EPHA6: variants seen among roughly 807,000 people sequenced by gnomAD.
The protein encoded by EPHA6 is EPH receptor A6, also known as ephrin type-A receptor 6.
A neutral mutation model predicts 112.0 loss-of-function variants in EPHA6; 50 were observed. That is an observed-to-expected ratio of 0.45 (90% confidence interval 0.36 to 0.56). EPHA6 has a LOEUF of 0.56. Among genes scored for constraint, EPHA6 ranks in the 20% least tolerant of loss-of-function variants. EPHA6 has a pLI of 0.00. For synonymous variants in EPHA6, 529 were observed against 490.7 expected (o/e 1.08, Z -1.03); for missense variants, 1,280 against 1,417.4 (o/e 0.90, Z 1.56).
At chr3:97,294,581 C>T (rs187677475) in intron 5 of EPHA6, among the ~76,000 whole-genome samples, 92 of 152,112 alleles carry the variant, frequency 6.0e-4, no homozygotes, top group African/African-American at 2.2e-3. Flanking sequence ...ATATTTTGTA[C>T]TTATTTTGTT....
intron 2 of EPHA6, among the ~76,000 whole-genome samples, chr3:96,985,490 G>A (rs2042987218): frequency 6.6e-6 from 1 of 151,982 alleles, no homozygotes; most frequent in African/African-American, 2.4e-5. Flanking sequence ...GATAGTGCTG[G>A]TTTGCCTTTA....
chr3:96,916,708 G>A (rs771577930), intron 2 of EPHA6, among the ~76,000 whole-genome samples: 106 of 152,182 alleles, frequency 7.0e-4, no homozygotes, highest in Admixed American at 2.7e-3. Flanking sequence ...CATAGATTAC[G>A]TCAAAGGTTA....
intron 14 of EPHA6, among the ~76,000 whole-genome samples, chr3:97,638,873 T>G (rs556334783): frequency 1.3e-5 from 2 of 152,282 alleles, no homozygotes; most frequent in South Asian, 2.1e-4. Flanking sequence ...AAATAAGTTA[T>G]TAAAGCTACT....
chr3:97,640,673 G>C (rs141266117), intron 14 of EPHA6, among the ~76,000 whole-genome samples: 3 of 151,924 alleles, frequency 2.0e-5, no homozygotes, highest in East Asian at 1.9e-4. Context: ...CTGGCTACTC[G>C]GCAGGCTGAG....
intron 2 of EPHA6, among the ~76,000 whole-genome samples, chr3:96,937,611 T>C (rs1442991980): frequency 6.6e-6 from 1 of 152,208 alleles, no homozygotes; most frequent in African/African-American, 2.4e-5. Context: ...TTTAGTTTAA[T>C]TAGATCCATT....
chr3:97,619,439 G>GT (rs1215895907), intron 13 of EPHA6, among the ~76,000 whole-genome samples: 1 of 148,620 alleles, frequency 6.7e-6, no homozygotes, highest in Admixed American at 6.7e-5. Flanking sequence ...AAAAAGGGGG[G>GT]GGGGGGCATC....
chr3:97,493,106 GTTTTAC>G (rs61127648), intron 10 of EPHA6, among the ~76,000 whole-genome samples: 10,296 of 151,518 alleles, frequency 0.068, 1,078 homozygotes, highest in African/African-American at 0.23. Context: ...GAGGAAAGAT[GTTTTAC>G]TTTTATTGGG....
chr3:97,405,633 T>TTAAATATTCATAATTAAATAAAA (rs1170494607), intron 6 of EPHA6, among the ~76,000 whole-genome samples: 5 of 152,138 alleles, frequency 3.3e-5, no homozygotes, highest in Non-Finnish European at 5.9e-5. Flanking sequence ...TAATATTGAA[T>TTAAATATTCATAATTAAATAAAA]TACTATAACC....
At chr3:97,588,402 A>G (rs558982374) in intron 11 of EPHA6, among the ~76,000 whole-genome samples, 1 of 152,306 alleles carries the variant, frequency 6.6e-6, no homozygotes, top group South Asian at 2.1e-4. Flanking sequence ...GTCTACTTAT[A>G]GATCTTAATG....
intron 3 of EPHA6, among the ~76,000 whole-genome samples, chr3:97,159,408 G>T (rs770034265): frequency 3.3e-5 from 5 of 152,118 alleles, no homozygotes; most frequent in African/African-American, 7.2e-5. Context: ...AATTAAGACC[G>T]CTAGGCCAGA....
intron 15 of EPHA6, among the ~76,000 whole-genome samples, chr3:97,732,237 T>G (rs1399399736): frequency 1.3e-5 from 2 of 151,532 alleles, no homozygotes; most frequent in East Asian, 3.9e-4. Context: ...TAAATCTACT[T>G]GCATTCTAGA....
chr3:97,646,302 C>T (rs1576191783), intron 14 of EPHA6: 1 of 1,517,104 alleles, frequency 6.6e-7, no homozygotes, highest in Non-Finnish European at 8.8e-7. Flanking sequence ...GAGAGATAAC[C>T]CTCCAACAGT....
intron 11 of EPHA6, among the ~76,000 whole-genome samples, chr3:97,575,873 A>G (rs1316807309): frequency 6.6e-6 from 1 of 152,190 alleles, no homozygotes. Context: ...AAGCTGTGTA[A>G]TTGTAGTGAA....
intron 5 of EPHA6, among the ~76,000 whole-genome samples, chr3:97,359,178 C>T (rs2084236272): frequency 6.6e-6 from 1 of 151,880 alleles, no homozygotes. Context: ...GAAACTTCTA[C>T]ATTGCATATA....
At chr3:97,086,930 T>A (rs1344372640) in intron 3 of EPHA6, among the ~76,000 whole-genome samples, 2 of 152,178 alleles carry the variant, frequency 1.3e-5, no homozygotes, top group African/African-American at 4.8e-5. Flanking sequence ...TCATATGCAA[T>A]TATCAGTGAA....
At chr3:97,218,420 G>T (rs1052164684) in intron 3 of EPHA6, among the ~76,000 whole-genome samples, 10 of 152,160 alleles carry the variant, frequency 6.6e-5, no homozygotes, top group African/African-American at 2.2e-4. Flanking sequence ...GAAGCCTTAG[G>T]AAACTTACAA....
chr3:97,327,649 C>T (rs573113200), intron 5 of EPHA6, among the ~76,000 whole-genome samples: 47 of 151,958 alleles, frequency 3.1e-4, no homozygotes, highest in South Asian at 6.2e-4. Context: ...TCACTAAATA[C>T]TGGCAAACAT....
In EPHA6 at chr3:97,259,467, T is replaced by C. The variant is rs2079426256; in HGVS notation, c.1606+15180T>C. ...TTCTTCATTTCATCACTTAATTCTA[T>C]GATGCAATACTTTCCAAATAGAATT... On this transcript the variant is annotated intron_variant, in intron 5 of 17. Transcript: ENST00000389672. 2.0e-5 allele frequency among the ~76,000 whole-genome samples: 3 copies of C among 152,230 alleles called. No homozygotes were observed. The South Asian group carries it at 6.2e-4, about 32-fold the overall frequency.
At chr3:97,068,616 TCACACA>T (rs147267729) in intron 3 of EPHA6, among the ~76,000 whole-genome samples, 2 of 148,206 alleles carry the variant, frequency 1.3e-5, no homozygotes, top group African/African-American at 2.5e-5. Flanking sequence ...ATGTACACAC[TCACACA>T]CACACACACA....
Sources: gnomAD v4.1 joint callset for allele counts (sites outside exome capture counted in the v4.1 genomes callset) on GRCh38, gnomAD v4.1.1 for gene constraint, MANE v1.5 for transcripts, NCBI Gene and HGNC (gene_info 2026-07-23, HGNC 2026-07-21) for gene names.